The following GADL1 variants were observed in gnomAD, a reference collection of about 807,000 sequenced individuals.
The protein encoded by GADL1 is acidic amino acid decarboxylase GADL1.
Under a neutral mutation model 69.5 loss-of-function variants are expected in GADL1, and 71 were observed. That is an observed-to-expected ratio of 1.02 (90% CI 0.84 to 1.25). The LOEUF (loss-of-function observed/expected upper bound fraction) is 1.25. Ranked by LOEUF, GADL1 falls within the 50% of genes most tolerant of loss-of-function variation. GADL1 has a pLI of 0.00. For synonymous variants in GADL1, 254 were observed against 214.4 expected (o/e 1.18, Z -1.62); for missense variants, 737 against 631.8 (o/e 1.17, Z -1.79).
chr3:30,734,935 G>T (rs1695520250), intron 14 of GADL1, among the ~76,000 whole-genome samples: 1 of 152,154 alleles, frequency 6.6e-6, no homozygotes, highest in Non-Finnish European at 1.5e-5. Context: ...ATGTTTCTTA[G>T]AGCACCTGAC....
At chr3:30,868,029 A>G (rs1698428818) in intron 1 of GADL1, among the ~76,000 whole-genome samples, 2 of 152,168 alleles carry the variant, frequency 1.3e-5, no homozygotes, top group Admixed American at 1.3e-4. Context: ...CTTCTGAAGT[A>G]ACAACTTCAT....
At chr3:30,773,600 C>A (rs1696467954) in intron 14 of GADL1, among the ~76,000 whole-genome samples, 1 of 152,052 alleles carries the variant, frequency 6.6e-6, no homozygotes, top group Non-Finnish European at 1.5e-5. Flanking sequence ...CTGTTTTAAA[C>A]CCCTTTTTAA....
intron 12 of GADL1, among the ~76,000 whole-genome samples, chr3:30,788,139 T>C (rs986510899): frequency 2.0e-5 from 3 of 152,224 alleles, no homozygotes; most frequent in African/African-American, 4.8e-5. Context: ...TTAAACCATC[T>C]ATCACACTGG....
chr3:30,863,667 G>C (rs546621205), intron 1 of GADL1, among the ~76,000 whole-genome samples: 1 of 151,650 alleles, frequency 6.6e-6, no homozygotes, highest in East Asian at 2.0e-4. Flanking sequence ...ACCTCACACA[G>C]TATCTTCTAT....
intron 14 of GADL1, among the ~76,000 whole-genome samples, chr3:30,760,437 ATAGCCACCAACTTC>A (rs1696099641): frequency 6.6e-6 from 1 of 152,172 alleles, no homozygotes; most frequent in East Asian, 1.9e-4. Context: ...TGAACTTGTC[ATAGCCACCAACTTC>A]TAGCTACCAA....
chr3:30,825,764 G>A (rs1389983745), intron 11 of GADL1, among the ~76,000 whole-genome samples: 2 of 151,832 alleles, frequency 1.3e-5, no homozygotes, highest in Non-Finnish European at 2.9e-5. Flanking sequence ...ACACACCAGG[G>A]CCTGTCCTCA....
chr3:30,738,511 C>G (rs1413823322), intron 14 of GADL1, among the ~76,000 whole-genome samples: 1 of 152,084 alleles, frequency 6.6e-6, no homozygotes, highest in Non-Finnish European at 1.5e-5. Context: ...TCTCGGGAGT[C>G]ATTAACCTTG....
At chr3:30,888,024 T>A (rs1698732748) in intron 1 of GADL1, among the ~76,000 whole-genome samples, 1 of 152,222 alleles carries the variant, frequency 6.6e-6, no homozygotes, top group African/African-American at 2.4e-5. Context: ...CTCCTGTATA[T>A]TGTAAATCAT....
intron 1 of GADL1, among the ~76,000 whole-genome samples, chr3:30,886,194 A>AACTGT (rs1457732734): frequency 1.3e-5 from 2 of 152,162 alleles, no homozygotes; most frequent in Non-Finnish European, 2.9e-5. Context: ...CTAATACAAG[A>AACTGT]ACTGTACTTG....
chr3:30,788,174 A>G (rs1486170998), intron 12 of GADL1, among the ~76,000 whole-genome samples: 1 of 152,210 alleles, frequency 6.6e-6, no homozygotes, highest in Non-Finnish European at 1.5e-5. Flanking sequence ...AAGCAATTCC[A>G]TTGCTCAACA....
At chr3:30,882,843 GT>G (rs370810304) in intron 1 of GADL1, among the ~76,000 whole-genome samples, 1,672 of 146,990 alleles carry the variant, frequency 0.011, 28 homozygotes, top group African/African-American at 0.038. Context: ...CAGGTGGTTG[GT>G]TTTTTTTTTA....
At chr3:30,793,938 A>G (rs1394518292) in intron 12 of GADL1, among the ~76,000 whole-genome samples, 1 of 152,132 alleles carries the variant, frequency 6.6e-6, no homozygotes, top group Non-Finnish European at 1.5e-5. Context: ...TATGCTCTGC[A>G]TAGATCAGCA....
intron 14 of GADL1, among the ~76,000 whole-genome samples, chr3:30,776,040 C>G (rs556916734): frequency 2.0e-5 from 3 of 151,860 alleles, no homozygotes; most frequent in Non-Finnish European, 4.4e-5. Flanking sequence ...GAGCAGAGAT[C>G]GTGCCATTGC....
chr3:30,889,683 G>A (rs1190384418), intron 1 of GADL1, among the ~76,000 whole-genome samples: 1 of 151,786 alleles, frequency 6.6e-6, no homozygotes, highest in Non-Finnish European at 1.5e-5. Flanking sequence ...ACTCAATTAT[G>A]CAATTTTGGA....
At chr3:30,837,120 G>A (rs977655922) in intron 9 of GADL1, among the ~76,000 whole-genome samples, 12 of 151,274 alleles carry the variant, frequency 7.9e-5, no homozygotes, top group African/African-American at 2.9e-4. Flanking sequence ...AAACCCAGAA[G>A]AACAAGTAAA....
rs59931065 is a variant in GADL1, at chr3:30,801,105, A to ATT, written c.1051-19_1051-18dup. The ATT allele has an allele frequency of 4.4e-6, 7 of 1,588,526 alleles. No individual in the cohort carries two copies. Among genetic ancestry groups the ATT allele is most frequent in the Non-Finnish European group, 5.2e-6 (6 of 1,158,234 alleles). On this transcript the variant is annotated splice_polypyrimidine_tract_variant and intron_variant, in intron 11 of 14. Transcript: ENST00000282538. ...AAGAAGATCCTTCGAAAAAGAAAAGATTACAAGACTGTTAAACTTTAGAAT... is the reference window on the plus strand; with the variant it reads ...AAGAAGATCCTTCGAAAAAGAAAAGATTTTACAAGACTGTTAAACTTTAGAAT...
chr3:30,854,565 CAT>C (rs1698198858), intron 4 of GADL1, 132 bp downstream of exon 4: 1 of 585,154 alleles, frequency 1.7e-6, no homozygotes, highest in African/African-American at 1.9e-5. Context: ...TGATAAGTAT[CAT>C]AAAACTATTC....
At position 30,800,993 on chromosome 3, in the gene GADL1, G is replaced by A. The variant is rs1162493115; in HGVS notation, c.1146C>T (p.Ile382=). Residue 382 remains isoleucine, a synonymous_variant, in exon 12 of 15, where the codon ATC becomes ATT. Coordinates refer to ENST00000282538, the MANE Select transcript of GADL1 (RefSeq NM_207359.3). ...DVSYDTGDKS[I]QCSRRPDAFK... Reference sequence around the variant, plus strand: ...ATGCATCTGGTCTTCTGCTACACTGGATAGACTTGTCTCCTGTGTCATAGC... The same window carrying A: ...ATGCATCTGGTCTTCTGCTACACTGAATAGACTTGTCTCCTGTGTCATAGC... 2 of 1,613,802 alleles carry A rather than the reference G, an allele frequency of 1.2e-6. No individual in the cohort carries two copies. Among genetic ancestry groups the A allele is most frequent in the African/African-American group, 1.3e-5 (1 of 74,926 alleles).
chr3:30,875,306 A>G (rs1698562697), intron 1 of GADL1, among the ~76,000 whole-genome samples: 1 of 151,904 alleles, frequency 6.6e-6, no homozygotes, highest in African/African-American at 2.4e-5. Flanking sequence ...GGATTCTGAA[A>G]CCAATTTTGC....
Sources: allele counts gnomAD v4.1 joint callset (sites outside exome capture counted in the v4.1 genomes callset), GRCh38; gene constraint gnomAD v4.1.1; transcripts MANE v1.5; gene names NCBI Gene and HGNC (gene_info 2026-07-23, HGNC 2026-07-21).